CDC14B: variants seen among roughly 807,000 people sequenced by gnomAD.
CDC14B encodes the protein dual specificity protein phosphatase CDC14B.
In CDC14B, 22 loss-of-function variants were observed where a neutral mutation model predicts 64.2. The ratio of observed to expected loss-of-function variants is 0.34; its 90% confidence interval spans 0.24 to 0.49. The LOEUF (loss-of-function observed/expected upper bound fraction) is 0.49. Among genes scored for constraint, CDC14B ranks in the 20% least tolerant of loss-of-function variants. CDC14B has a pLI of 0.99. For synonymous variants in CDC14B, 191 were observed against 215.8 expected (o/e 0.89, Z 1.01); for missense variants, 498 against 629.9 (o/e 0.79, Z 2.24).
intron 1 of CDC14B, among the ~76,000 whole-genome samples, chr9:96,588,005 AT>A (rs549215075): frequency 3.3e-5 from 5 of 150,796 alleles, no homozygotes; most frequent in South Asian, 2.1e-4. Context: ...TCAAGATTTA[AT>A]TTTTTTTTTC....
intron 9 of CDC14B, 65 bp downstream of exon 9, chr9:96,533,862 G>A (rs1229037946): frequency 4.7e-5 from 45 of 949,834 alleles, no homozygotes; most frequent in Non-Finnish European, 6.6e-5. Flanking sequence ...AATGAATATG[G>A]TCTGTTTCTA....
At chr9:96,551,447 T>C (rs926108731) in intron 5 of CDC14B, among the ~76,000 whole-genome samples, 3 of 152,096 alleles carry the variant, frequency 2.0e-5, no homozygotes, top group African/African-American at 7.2e-5. Context: ...TCAATGGCAG[T>C]AGTTCTCAGC....
At chr9:96,527,261 C>T (rs143556383) in intron 9 of CDC14B, among the ~76,000 whole-genome samples, 1,782 of 151,954 alleles carry the variant, frequency 0.012, 30 homozygotes, top group African/African-American at 0.04. Context: ...TAGCCGGGCG[C>T]GGTGGCGGGC....
downstream of CDC14B, among the ~76,000 whole-genome samples, chr9:96,499,545 A>T (rs73654892): frequency 0.074 from 11,237 of 152,288 alleles, 1,390 homozygotes; most frequent in African/African-American, 0.26. Flanking sequence ...AGAGGTCTGC[A>T]GAAAGTCAAA....
At chr9:96,602,735 A>G (rs1459556110) in intron 1 of CDC14B, among the ~76,000 whole-genome samples, 1 of 152,200 alleles carries the variant, frequency 6.6e-6, no homozygotes, top group South Asian at 2.1e-4. Flanking sequence ...GGACACAGCC[A>G]AACTATATCA....
At chr9:96,572,535 T>C (rs1464549551) in intron 1 of CDC14B, among the ~76,000 whole-genome samples, 1 of 152,056 alleles carries the variant, frequency 6.6e-6, no homozygotes, top group Non-Finnish European at 1.5e-5. Flanking sequence ...TTTGAGTTTT[T>C]CCCTAACACA....
At chr9:96,573,209 G>T (rs1200608080) in intron 1 of CDC14B, among the ~76,000 whole-genome samples, 1 of 152,202 alleles carries the variant, frequency 6.6e-6, no homozygotes, top group African/African-American at 2.4e-5. Flanking sequence ...TACTTGGGAG[G>T]CTGAGGCAGG....
rs780824162 is a variant in CDC14B, at chr9:96,503,799, G to A, written c.1461-10C>T. ...CCTTGAAATGGAGAGACTACAGGGG[G>A]AAAAAAAAGGATTTTTACCAGAAAG... On this transcript the variant is annotated splice_polypyrimidine_tract_variant and intron_variant, in intron 13 of 13. Transcript: ENST00000375241. 7 of 1,605,732 alleles carry A rather than the reference G, an allele frequency of 4.4e-6. No individual in the cohort carries two copies. The highest frequency in any genetic ancestry group is 3.3e-5 in the South Asian group (3 of 89,884).
At position 96,503,677 on chromosome 9, in the gene CDC14B, G is replaced by C; in HGVS notation, c.*76C>G. The C allele has an allele frequency of 7.3e-7, 1 of 1,363,094 alleles. No individual in the cohort carries two copies. Among genetic ancestry groups the C allele is most frequent in the Non-Finnish European group, 1.0e-6 (1 of 967,132 alleles). 84.4% of individuals were successfully genotyped at this position (1,363,094 alleles called of 1,614,324 possible). On this transcript the variant is annotated 3_prime_UTR_variant, in exon 14 of 14. Transcript: ENST00000375241. ...ACTAAGGCTTTTGCAATTTTGTTTT[G>C]TTTTCAAATTGTGCTAATTTCTGTT...
rs145888117 is a variant in CDC14B at position 96,557,057 on chromosome 9, G to A, written c.421-5185C>T. Among the ~76,000 whole-genome samples the A allele has an allele frequency of 4.6e-3, 702 of 152,320 alleles. 10 individuals carry two copies. The highest frequency in any genetic ancestry group is 0.031 in the East Asian group (160 of 5,180). ...GTCAAGGATCTTAAGCTATCAGAGA[G>A]CCATTTCTCTTCACTTTTTCCCCAA... On this transcript the variant is annotated intron_variant, in intron 4 of 13. Coordinates refer to ENST00000375241, the MANE Select transcript of CDC14B (RefSeq NM_033331.4).
At chr9:96,529,726 C>T (rs1410147069) in intron 9 of CDC14B, among the ~76,000 whole-genome samples, 1 of 152,028 alleles carries the variant, frequency 6.6e-6, no homozygotes, top group African/African-American at 2.4e-5. Context: ...CTCCTGGGCT[C>T]AAGCAATCCT....
rs367929512 is a variant in CDC14B, at chr9:96,598,329, G to A, written c.160+20890C>T. On this transcript the variant is annotated intron_variant, in intron 1 of 13. Coordinates refer to ENST00000375241, the MANE Select transcript of CDC14B (RefSeq NM_033331.4). ...TGGTAACCTACTTTATTTGTGAAGT[G>A]TTTTTTGTTTGTTTTTTGTTTTTTT... Among the ~76,000 whole-genome samples, 120 of 152,206 alleles carry A rather than the reference G, an allele frequency of 7.9e-4. 5 individuals are homozygous for A. The South Asian group carries it at 0.019, about 24-fold the overall frequency.
intron 1 of CDC14B, among the ~76,000 whole-genome samples, chr9:96,568,849 G>A (rs1844308396): frequency 6.6e-6 from 1 of 152,020 alleles, no homozygotes; most frequent in Non-Finnish European, 1.5e-5. Flanking sequence ...CCCGGGAGGT[G>A]GAGGTTGCAG....
At chr9:96,600,101 T>G (rs992218093) in intron 1 of CDC14B, among the ~76,000 whole-genome samples, 1 of 151,986 alleles carries the variant, frequency 6.6e-6, no homozygotes, top group African/African-American at 2.4e-5. Context: ...TAATAACTTT[T>G]TAAAGAATCT....
At position 96,587,105 on chromosome 9, in the gene CDC14B, G is replaced by A. The variant is rs139351533; in HGVS notation, c.161-21622C>T. On this transcript the variant is annotated intron_variant, in intron 1 of 13. Coordinates refer to ENST00000375241, the MANE Select transcript of CDC14B (RefSeq NM_033331.4). ...GGACAATCGCTTGAACCCAGGAAGC[G>A]GTGGCTGCAGTGAAAAGAGATTGCA... 5.8e-4 allele frequency among the ~76,000 whole-genome samples: 88 copies of A among 152,162 alleles called. No homozygotes were observed. The East Asian group carries it at 0.014, about 24-fold the overall frequency.
chr9:96,512,952 C>G (rs1039059268), intron 12 of CDC14B, among the ~76,000 whole-genome samples: 1 of 151,748 alleles, frequency 6.6e-6, no homozygotes, highest in African/African-American at 2.4e-5. Flanking sequence ...GAGAAAAAAA[C>G]AAGAGCTGAT....
In CDC14B at chr9:96,592,314, G is replaced by C. The variant is rs1049464145; in HGVS notation, c.161-26831C>G. ...GCTGGTCTTGAATTCCCGGACTCAA[G>C]TGATCCACTCGCCTCTGCCTGGCAG... On this transcript the variant is annotated intron_variant, in intron 1 of 13. Coordinates refer to ENST00000375241, the MANE Select transcript of CDC14B (RefSeq NM_033331.4). Among the ~76,000 whole-genome samples, 7 of 152,248 alleles carry C rather than the reference G, an allele frequency of 4.6e-5. No homozygotes were observed. In the East Asian group the frequency reaches 9.7e-4, roughly 21 times the overall value.
intron 9 of CDC14B, among the ~76,000 whole-genome samples, chr9:96,528,954 T>C (rs10114658): frequency 0.063 from 9,587 of 152,266 alleles, 958 homozygotes; most frequent in African/African-American, 0.22. Flanking sequence ...CTGGGTTTTG[T>C]TGTTGTTTTT....
chr9:96,515,680 A>G lies in CDC14B; in HGVS notation c.1344-5891T>C. On this transcript the variant is annotated intron_variant, in intron 12 of 13. Transcript: ENST00000375241. The surrounding 1 kb of genome is among the most constrained non-coding windows in gnomAD (Gnocchi z 4.3). ...TATCTGTCAGGGGGTCCTGATGGCT[A>G]CTGTGTTCTGAAACCATCGAGACAG... is the stretch of plus-strand genomic sequence containing the variant. 1 of 1,594,784 alleles carries G rather than the reference A, an allele frequency of 6.3e-7. No homozygotes were observed. Among genetic ancestry groups the G allele is most frequent in the Non-Finnish European group, 8.5e-7 (1 of 1,171,008 alleles).
Sources: allele counts gnomAD v4.1 joint callset (sites outside exome capture counted in the v4.1 genomes callset), GRCh38; gene constraint gnomAD v4.1.1; non-coding constraint Gnocchi (gnomAD v3.1); transcripts MANE v1.5; gene names NCBI Gene and HGNC (gene_info 2026-07-23, HGNC 2026-07-21).